The following ARMC5 variants were observed in gnomAD, a reference collection of about 807,000 sequenced individuals.
The protein encoded by ARMC5 is armadillo repeat-containing protein 5.
In ARMC5, 28 loss-of-function variants were observed where a neutral mutation model predicts 60.5. That is an observed-to-expected ratio of 0.46 (90% CI 0.34 to 0.63). The LOEUF is 0.63. Among genes scored for constraint, ARMC5 ranks in the 30% least tolerant of loss-of-function variants. ARMC5 has a pLI of 0.01. For synonymous variants in ARMC5, 680 were observed against 607.3 expected (o/e 1.12, Z -1.76); for missense variants, 1,189 against 1,304.9 (o/e 0.91, Z 1.37).
At position 31,464,292 on chromosome 16, in the gene ARMC5, TAAAAAAA is replaced by T. The variant is rs537788230; in HGVS notation, c.1371-84_1371-78del. On this transcript the variant is annotated intron_variant, in intron 3 of 5. Coordinates refer to ENST00000268314, the MANE Select transcript of ARMC5 (RefSeq NM_001105247.2). This position sits in a 1 kb window ranked among gnomAD's most constrained non-coding sequence, Gnocchi z 7.6. ...GCTATAGAGGGATACCACATTTCTT[TAAAAAAA>T]AAAAAAAAAAAAAAAAAGACGCCTC... 2.3e-3 allele frequency: 1,142 copies of T among 499,406 alleles called. 8 individuals are homozygous for T. In the African/African-American group the frequency reaches 0.025, roughly 11 times the overall value. 30.9% of individuals were successfully genotyped at this position (499,406 alleles called of 1,614,324 possible). A position where few individuals can be genotyped will look rare whatever the true frequency, so the allele number is the denominator to read the frequency against.
At chr16:31,465,631 C>G (rs2082349785) in intron 4 of ARMC5, 1 of 1,405,078 alleles carries the variant, frequency 7.1e-7, no homozygotes, top group Non-Finnish European at 9.2e-7. Flanking sequence ...TTGCCGCCCA[C>G]ACTTCAGGGG....
chr16:31,459,597 G>C lies in ARMC5; in HGVS notation c.73G>C (p.Glu25Gln). The part of the protein sequence containing the change: ...CLAQLAAAAG[E>Q]ALGGEKDPAT... ...CGCGCAGCTCGCGGCGGCGGCCGGG[G>C]AGGCTCTGGGTGGGGAAAAGGACCC... Residue 25 changes from glutamate (E) to glutamine (Q), a missense_variant, in exon 1 of 6, where the codon GAG becomes CAG. Coordinates refer to ENST00000268314, the MANE Select transcript of ARMC5 (RefSeq NM_001105247.2). 4.4e-6 allele frequency: 7 copies of C among 1,601,484 alleles called. No individual in the cohort carries two copies. Among genetic ancestry groups the C allele is most frequent in the Non-Finnish European group, 5.9e-6 (7 of 1,179,446 alleles).
At chr16:31,463,541 T>G (rs2082323231) in intron 3 of ARMC5, among the ~76,000 whole-genome samples, 1 of 152,162 alleles carries the variant, frequency 6.6e-6, no homozygotes, top group Non-Finnish European at 1.5e-5. Context: ...ACTCATGAGC[T>G]GAAGCATCAC....
intron 3 of ARMC5, among the ~76,000 whole-genome samples, chr16:31,463,212 C>CT (rs2082320832): frequency 6.6e-6 from 1 of 152,094 alleles, no homozygotes; most frequent in East Asian, 1.9e-4. Flanking sequence ...AGTTCTCCTG[C>CT]CTCAGCCTCC....
upstream of ARMC5, chr16:31,458,577 C>G: frequency 6.7e-7 from 1 of 1,485,562 alleles, no homozygotes; most frequent in African/African-American, 1.4e-5. Flanking sequence ...GTCCACATTT[C>G]CGGCACTCGC....
Position 31,464,354 on chromosome 16 carries a change from G to A in ARMC5, c.1371-40G>A. The A allele has an allele frequency of 6.9e-7, 1 of 1,441,598 alleles. No homozygotes were observed. The allele number at this position is 1,441,598 out of a possible 1,614,324, so 89.3% of individuals were successfully genotyped here. On this transcript the variant is annotated intron_variant, in intron 3 of 5. Transcript: ENST00000268314. The surrounding 1 kb of genome is among the most constrained non-coding windows in gnomAD (Gnocchi z 7.6). ...CTCTTGGACTCTGCCCCTTAACCTTGGCTCTGGGTTCAGTCTCCTTCCCTT... is the reference window on the plus strand; with the variant it reads ...CTCTTGGACTCTGCCCCTTAACCTTAGCTCTGGGTTCAGTCTCCTTCCCTT...
chr16:31,460,178 GAGAGAGCCCTCCCAGACCAGATA>G (rs2082292505), intron 1 of ARMC5, 179 bp downstream of exon 1: 4 of 618,964 alleles, frequency 6.5e-6, no homozygotes, highest in Middle Eastern at 4.3e-4. Context: ...CTATAGATGA[GAGAGAGCCCTCCCAGACCAGATA>G]ATTGTAGCCA....
upstream of ARMC5, chr16:31,458,788 G>C: frequency 6.6e-7 from 1 of 1,516,468 alleles, no homozygotes; most frequent in Non-Finnish European, 8.8e-7. Flanking sequence ...CGCCCCGTCC[G>C]GATTCTCCCT....
Position 31,462,322 on chromosome 16 carries a change from G to A in ARMC5, c.775G>A (p.Val259Ile), listed in dbSNP as rs756654607. The A allele has an allele frequency of 1.6e-5, 25 of 1,610,600 alleles. 1 individual carries two copies. In the South Asian group the frequency reaches 1.8e-4, roughly 11 times the overall value. The stretch of plus-strand genomic sequence containing the variant: ...AGATGCTGCACTGACCTTAGCCCTC[G>A]TCCGTGCCCTCCTGGAACTCAGCCG... ...APDAALTLAL[V>I]RALLELSRGC... The change falls in exon 3 of 6, where the codon GTC becomes ATC. Residue 259 changes from valine to isoleucine, a missense_variant. Val to Ile is a conservative substitution (Grantham distance 29). Coordinates refer to ENST00000268314, the MANE Select transcript of ARMC5 (RefSeq NM_001105247.2). The surrounding 1 kb of genome is among the most constrained non-coding windows in gnomAD (Gnocchi z 7.2).
chr16:31,459,728 C>A lies in ARMC5; in HGVS notation c.204C>A (p.Arg68=), dbSNP rs1428333633. The change falls in exon 1 of 6, where the codon CGC becomes CGA. Residue 68 remains arginine, a synonymous_variant. Transcript: ENST00000268314. ...GCTTCCGGGCACGCGGCGGGCTCCGCCCCCTACTCGCGCTGCTACGGCGAG... is the reference window on the plus strand; with the variant it reads ...GCTTCCGGGCACGCGGCGGGCTCCGACCCCTACTCGCGCTGCTACGGCGAG... ...IERFRARGGL[R]PLLALLRRAA... 6.4e-7 allele frequency: 1 copy of A among 1,556,070 alleles called. No homozygotes were observed. The highest frequency in any genetic ancestry group is 8.6e-7 in the Non-Finnish European group (1 of 1,162,002).
At chr16:31,465,540 T>A (rs1471308606) in intron 4 of ARMC5, 1 of 962,946 alleles carries the variant, frequency 1.0e-6, no homozygotes. Flanking sequence ...GATCTATATC[T>A]GGTATAACTA....
chr16:31,462,136 G>A lies in ARMC5; in HGVS notation c.589G>A (p.Val197Ile), dbSNP rs1271045149. 1.9e-6 allele frequency: 3 copies of A among 1,611,952 alleles called. No individual in the cohort carries two copies. Among genetic ancestry groups the A allele is most frequent in the Admixed American group, 1.7e-5 (1 of 59,982 alleles). Residue 197 changes from valine (V) to isoleucine (I), a missense_variant, in exon 3 of 6, where the codon GTT (valine) becomes ATT (isoleucine). Val to Ile is a conservative substitution (Grantham distance 29). Transcript: ENST00000268314. This position sits in a 1 kb window ranked among gnomAD's most constrained non-coding sequence, Gnocchi z 7.2. ...CTCCCCTTTCCTGCCCTCAGGTGCT[G>A]TTCCCCTGCTTGTGGAGAGCCTGAC... ...SCGDIHCAGA[V>I]PLLVESLTAC...
chr16:31,459,505 A>G lies in ARMC5; in HGVS notation c.-20A>G. On this transcript the variant is annotated 5_prime_UTR_variant, in exon 1 of 6. Transcript: ENST00000268314. ...GGATCAGCGGCGAGAAGCGGGGCGG[A>G]GTCTGAGGCCCGAGCCAAGATGGCG... 6.3e-7 allele frequency: 1 copy of G among 1,591,860 alleles called. No homozygotes were observed. Among genetic ancestry groups the G allele is most frequent in the Admixed American group, 1.8e-5 (1 of 56,882 alleles).
upstream of ARMC5, chr16:31,458,955 G>A (rs1279586842): frequency 6.5e-7 from 1 of 1,535,648 alleles, no homozygotes; most frequent in Admixed American, 2.0e-5. Context: ...GTCACTCTAG[G>A]AAGCGGCAGC....
upstream of ARMC5, chr16:31,459,381 C>G (rs1262629704): frequency 2.0e-6 from 3 of 1,536,584 alleles, no homozygotes; most frequent in Non-Finnish European, 2.6e-6. Flanking sequence ...CTTCCGGGGT[C>G]GAGAACTACA....
rs973776855 is a variant in ARMC5 at position 31,464,327 on chromosome 16, G to T, written c.1371-67G>T. 7.6e-6 allele frequency: 4 copies of T among 522,876 alleles called. No homozygotes were observed. Among genetic ancestry groups the T allele is most frequent in the Non-Finnish European group, 9.1e-6 (3 of 329,582 alleles). 32.4% of individuals were successfully genotyped at this position (522,876 alleles called of 1,614,324 possible). A position where few individuals can be genotyped will look rare whatever the true frequency, so the allele number is the denominator to read the frequency against. On this transcript the variant is annotated intron_variant, in intron 3 of 5. Coordinates refer to ENST00000268314, the MANE Select transcript of ARMC5 (RefSeq NM_001105247.2). This position sits in a 1 kb window ranked among gnomAD's most constrained non-coding sequence, Gnocchi z 7.6. ...AAAAAAAAAAAAAAAGACGCCTCACGCCTCTTGGACTCTGCCCCTTAACCT... is the reference window on the plus strand; with the variant it reads ...AAAAAAAAAAAAAAAGACGCCTCACTCCTCTTGGACTCTGCCCCTTAACCT...
intron 1 of ARMC5, among the ~76,000 whole-genome samples, chr16:31,460,756 A>G (rs2082297678): frequency 6.6e-6 from 1 of 152,162 alleles, no homozygotes; most frequent in Admixed American, 6.5e-5. Flanking sequence ...AACCAAACAA[A>G]TCAGTAGTCG....
chr16:31,460,032 T>C, intron 1 of ARMC5, 33 bp downstream of exon 1: 1 of 1,591,710 alleles, frequency 6.3e-7, no homozygotes, highest in Non-Finnish European at 8.5e-7. Flanking sequence ...CTAGAAAGAT[T>C]AGGTTTGCAA....
rs2082362569 is a variant in ARMC5, at chr16:31,466,608, C to T, written c.2527C>T (p.Leu843=). The T allele has an allele frequency of 1.2e-6, 2 of 1,605,734 alleles. No individual in the cohort carries two copies. Among genetic ancestry groups the T allele is most frequent in the Admixed American group, 1.7e-5 (1 of 58,522 alleles). ...EEALEAAGRF[L]LPGLEEELEE... Reference sequence around the variant, plus strand: ...GGCACTGGAGGCTGCTGGCCGTTTCCTACTGCCTGGGCTGGAGGAGGAGCT... The same window carrying T: ...GGCACTGGAGGCTGCTGGCCGTTTCTTACTGCCTGGGCTGGAGGAGGAGCT... Residue 843 remains leucine (L), a synonymous_variant, in exon 6 of 6, where the codon CTA becomes TTA. Coordinates refer to ENST00000268314, the MANE Select transcript of ARMC5 (RefSeq NM_001105247.2). The surrounding 1 kb of genome is among the most constrained non-coding windows in gnomAD (Gnocchi z 8.0).
Sources: allele counts gnomAD v4.1 joint callset (sites outside exome capture counted in the v4.1 genomes callset), GRCh38; gene constraint gnomAD v4.1.1; non-coding constraint Gnocchi (gnomAD v3.1); transcripts MANE v1.5; gene names NCBI Gene and HGNC (gene_info 2026-07-23, HGNC 2026-07-21).